The following PDE4B variants were observed in gnomAD, a reference collection of about 807,000 sequenced individuals.
PDE4B encodes 3',5'-cyclic-AMP phosphodiesterase 4B.
In PDE4B, 20 loss-of-function variants were observed where a neutral mutation model predicts 82.2. The ratio of observed to expected loss-of-function variants is 0.24; its 90% CI spans 0.17 to 0.35. PDE4B has a LOEUF of 0.35. Among genes scored for constraint, PDE4B ranks in the 10% least tolerant of loss-of-function variants. The pLI is 1.00. For synonymous variants in PDE4B, 320 were observed against 318.9 expected (o/e 1.00, Z -0.04); for missense variants, 655 against 907.2 (o/e 0.72, Z 3.57).
At chr1:65,863,387 G>A (rs954361609) in intron 1 of PDE4B, among the ~76,000 whole-genome samples, 1 of 152,096 alleles carries the variant, frequency 6.6e-6, no homozygotes, top group Admixed American at 6.6e-5. Flanking sequence ...TATGATTTAT[G>A]TTCTCTAGCA....
intron 7 of PDE4B, among the ~76,000 whole-genome samples, chr1:66,288,032 C>A (rs534474402): frequency 6.6e-6 from 1 of 151,792 alleles, no homozygotes; most frequent in Non-Finnish European, 1.5e-5. Flanking sequence ...AAAGAAATAC[C>A]AAAGGTTAGG....
At chr1:65,810,082 A>G (rs1322042537) in intron 1 of PDE4B, among the ~76,000 whole-genome samples, 1 of 152,244 alleles carries the variant, frequency 6.6e-6, no homozygotes, top group African/African-American at 2.4e-5. Flanking sequence ...TGCTTGTTGA[A>G]AGCTGGTGGG....
chr1:66,047,397 ATTG>A (rs1352520260), intron 3 of PDE4B, among the ~76,000 whole-genome samples: 3 of 151,850 alleles, frequency 2.0e-5, no homozygotes, highest in Admixed American at 6.6e-5. Context: ...GGTGGCTGTT[ATTG>A]TTGTTATCCA....
intron 7 of PDE4B, among the ~76,000 whole-genome samples, chr1:66,302,453 A>G (rs913656720): frequency 6.6e-5 from 10 of 152,164 alleles, no homozygotes; most frequent in African/African-American, 2.4e-4. Context: ...ATTAGCTTTC[A>G]TTTGTTGAGC....
chr1:66,359,239 G>T (rs1662561437), intron 9 of PDE4B, among the ~76,000 whole-genome samples: 1 of 152,224 alleles, frequency 6.6e-6, no homozygotes, highest in South Asian at 2.1e-4. Context: ...TGAAAAGTGT[G>T]ATCTAGCAAG....
intron 3 of PDE4B, among the ~76,000 whole-genome samples, chr1:66,023,662 A>C (rs956800327): frequency 6.6e-6 from 1 of 152,142 alleles, no homozygotes; most frequent in African/African-American, 2.4e-5. Context: ...TACAAGGCAA[A>C]ATTTTTATTT....
intron 3 of PDE4B, chr1:66,152,530 G>A (rs1418350375): frequency 2.1e-5 from 7 of 328,676 alleles, no homozygotes; most frequent in Non-Finnish European, 3.4e-5. Flanking sequence ...CAGAACTGAT[G>A]AGGTATGTAT....
intron 1 of PDE4B, among the ~76,000 whole-genome samples, chr1:65,896,318 ATCAGATC>A (rs1277444134): frequency 6.6e-6 from 1 of 152,174 alleles, no homozygotes; most frequent in Non-Finnish European, 1.5e-5. Flanking sequence ...TTATAAAGCT[ATCAGATC>A]TCATGAGACT....
At position 66,077,206 on chromosome 1, in the gene PDE4B, G is replaced by A. The variant is rs557563461; in HGVS notation, c.281+158371G>A. On this transcript the variant is annotated intron_variant, in intron 3 of 16. Coordinates refer to ENST00000341517, the MANE Select transcript of PDE4B (RefSeq NM_002600.4). ...ATATTTATATATGATGATTGGTGGT[G>A]TTCAGTTTCATTCTTCTAGGTCTGA... 3.0e-3 allele frequency among the ~76,000 whole-genome samples: 458 copies of A among 152,122 alleles called. 1 individual carries two copies. The highest frequency in any genetic ancestry group is 6.3e-3 in the South Asian group (30 of 4,800).
intron 3 of PDE4B, among the ~76,000 whole-genome samples, chr1:66,050,052 G>C (rs138093762): frequency 6.6e-6 from 1 of 152,064 alleles, no homozygotes; most frequent in African/African-American, 2.4e-5. Flanking sequence ...CTTTTACCTA[G>C]GTTTCTTTGA....
intron 3 of PDE4B, among the ~76,000 whole-genome samples, chr1:66,132,255 G>A (rs527746935): frequency 2.8e-4 from 42 of 152,320 alleles, no homozygotes; most frequent in African/African-American, 1.0e-3. Context: ...GATAGTTGGA[G>A]AGCACTACAG....
chr1:65,996,217 G>T (rs547638205), intron 3 of PDE4B, among the ~76,000 whole-genome samples: 6 of 152,134 alleles, frequency 3.9e-5, no homozygotes, highest in African/African-American at 1.4e-4. Context: ...ATGGGAATCT[G>T]CCCTACTTTT....
intron 1 of PDE4B, among the ~76,000 whole-genome samples, chr1:65,906,842 A>T (rs1647032858): frequency 6.6e-6 from 1 of 152,170 alleles, no homozygotes; most frequent in African/African-American, 2.4e-5. Context: ...TCAAAGCAGC[A>T]TTTAGCCTGG....
rs143207547 is a variant in PDE4B, at chr1:65,855,329, A to C, written c.-70-57916A>C. Among the ~76,000 whole-genome samples, 255 of 152,150 alleles carry C rather than the reference A, an allele frequency of 1.7e-3. 2 individuals are homozygous for C. Among genetic ancestry groups the C allele is most frequent in the African/African-American group, 5.9e-3 (247 of 41,514 alleles). On this transcript the variant is annotated intron_variant, in intron 1 of 16. Coordinates refer to ENST00000341517, the MANE Select transcript of PDE4B (RefSeq NM_002600.4). ...TATCTTGATTTTGTTTTGTTCTTTT[A>C]AATTATATTGATTATTTTTCCCCAG...
intron 1 of PDE4B, among the ~76,000 whole-genome samples, chr1:65,830,530 C>T (rs1285815859): frequency 6.6e-6 from 1 of 152,200 alleles, no homozygotes; most frequent in African/African-American, 2.4e-5. Flanking sequence ...AGATGAGAAG[C>T]ACACTTCAAC....
intron 3 of PDE4B, among the ~76,000 whole-genome samples, chr1:65,984,340 C>T (rs943303325): frequency 6.6e-6 from 1 of 152,106 alleles, no homozygotes; most frequent in African/African-American, 2.4e-5. Context: ...AAGGATGTGA[C>T]TATAAAGGTG....
chr1:66,156,602 A>C (rs1365764538), intron 3 of PDE4B, among the ~76,000 whole-genome samples: 1 of 152,030 alleles, frequency 6.6e-6, no homozygotes, highest in Non-Finnish European at 1.5e-5. Context: ...GAAAAAAAAA[A>C]CAAACAAACC....
Position 66,365,772 on chromosome 1 carries a change from T to C in PDE4B, c.1384+6T>C, listed in dbSNP as rs767070912. The C allele has an allele frequency of 6.6e-7, 1 of 1,521,002 alleles. No individual in the cohort carries two copies. Among genetic ancestry groups the C allele is most frequent in the South Asian group, 1.2e-5 (1 of 86,658 alleles). 94.2% of individuals were successfully genotyped at this position (1,521,002 alleles called of 1,614,324 possible). ...TCAGTTTCTCATCAACACAAGTGAG[T>C]TCACCACTACAGCAGTCATTCCAGA... On this transcript the variant is annotated splice_donor_region_variant and intron_variant, in intron 13 of 16. Transcript: ENST00000341517.
intron 1 of PDE4B, among the ~76,000 whole-genome samples, chr1:65,901,624 A>G (rs190400480): frequency 1.8e-4 from 28 of 152,126 alleles, no homozygotes; most frequent in Non-Finnish European, 2.8e-4. Flanking sequence ...TTCTGATTCA[A>G]TTTTGAATTT....
Sources: allele counts gnomAD v4.1 joint callset (sites outside exome capture counted in the v4.1 genomes callset), GRCh38; gene constraint gnomAD v4.1.1; transcripts MANE v1.5; gene names NCBI Gene and HGNC (gene_info 2026-07-23, HGNC 2026-07-21).